Variants in RPGRIP1L observed in about 807,000 individuals in gnomAD.
RPGRIP1L encodes the protein RPGRIP1 like.
Under a neutral mutation model 160.4 loss-of-function variants are expected in RPGRIP1L, and 131 were observed. That is an observed-to-expected ratio of 0.82 (90% CI 0.71 to 0.94). RPGRIP1L has a LOEUF of 0.94. Ranked by LOEUF, RPGRIP1L falls within the 40% of genes least tolerant of loss-of-function variation. RPGRIP1L has a pLI of 0.00. For missense variants in RPGRIP1L, 1,522 were observed against 1,535.8 expected, an observed-to-expected ratio of 0.99 and a Z score of 0.15; for synonymous variants, 510 against 515.8, an observed-to-expected ratio of 0.99 and a Z score of 0.15.
intron 19 of RPGRIP1L, 99 bp downstream of exon 19, chr16:53,640,934 C>A (rs1054133395): frequency 3.6e-6 from 3 of 842,320 alleles, no homozygotes; most frequent in African/African-American, 3.4e-5. Context: ...ACTTTATTCA[C>A]CTGTTTCCAT....
Position 53,619,029 on chromosome 16 carries a change from G to A in RPGRIP1L, c.3612C>T (p.Ser1204=). Reference sequence around the variant, plus strand: ...TTACAAATGAATCATACATACCATTGCTATAGTTATAGTAGACCCACTGCC... The same window carrying A: ...TTACAAATGAATCATACATACCATTACTATAGTTATAGTAGACCCACTGCC... ...KSGQWVYYNY[S]NVIYVDKENN... The change falls in exon 24 of 27, where the codon AGC becomes AGT. Residue 1204 remains serine, a synonymous_variant. Coordinates refer to ENST00000647211, the MANE Select transcript of RPGRIP1L (RefSeq NM_015272.5). 1.2e-6 allele frequency: 2 copies of A among 1,610,052 alleles called. No homozygotes were observed. Among genetic ancestry groups the A allele is most frequent in the Non-Finnish European group, 8.5e-7 (1 of 1,176,326 alleles).
Position 53,696,264 on chromosome 16 carries a change from G to C in RPGRIP1L, c.117C>G (p.Arg39=), listed in dbSNP as rs763892496. The C allele has an allele frequency of 6.2e-7, 1 of 1,614,006 alleles. No homozygotes were observed. Among genetic ancestry groups the C allele is most frequent in the East Asian group, 2.2e-5 (1 of 44,846 alleles). Residue 39 remains arginine, a synonymous_variant, in exon 3 of 27, where the codon CGC becomes CGG. Coordinates refer to ENST00000647211, the MANE Select transcript of RPGRIP1L (RefSeq NM_015272.5). ...CACGACTGACACGTGACACTGCCTG[G>C]CGAGACTTCATTGTCCGTGTTGTTG... ...ETSTTRTMKS[R]QAVSRVSREE...
chr16:53,653,696 C>T (rs765730634), intron 14 of RPGRIP1L, among the ~76,000 whole-genome samples: 33 of 152,178 alleles, frequency 2.2e-4, no homozygotes, highest in Admixed American at 5.2e-4. Flanking sequence ...TCCTATCCTT[C>T]TTCTCATTCT....
chr16:53,658,910 T>A (rs1176094400), intron 10 of RPGRIP1L, 32 bp from the exon 11 acceptor site: 1 of 1,372,192 alleles, frequency 7.3e-7, no homozygotes, highest in Admixed American at 1.9e-5. Context: ...ATTGGAAAGG[T>A]AAGTAAAAAT....
chr16:53,684,807 A>C (rs957368853), intron 6 of RPGRIP1L, among the ~76,000 whole-genome samples: 36 of 152,094 alleles, frequency 2.4e-4, no homozygotes, highest in Admixed American at 2.1e-3. Flanking sequence ...GCATGGGCAA[A>C]GTTTTCACAA....
chr16:53,692,435 A>C, intron 3 of RPGRIP1L, 71 bp from the exon 4 acceptor site: 12 of 1,422,490 alleles, frequency 8.4e-6, no homozygotes, highest in Admixed American at 3.3e-5. Flanking sequence ...TGAAAGGAAC[A>C]TAATCACTGT....
intron 22 of RPGRIP1L, 135 bp from the exon 23 acceptor site, chr16:53,622,491 C>T: frequency 2.2e-6 from 1 of 451,448 alleles, no homozygotes; most frequent in Non-Finnish European, 3.9e-6. Context: ...TGTGTTATTT[C>T]CTATCTCAGC....
In RPGRIP1L at chr16:53,599,932, T is replaced by C. The variant is rs926710608; in HGVS notation, c.*2144A>G. 4 of 152,214 alleles carry C rather than the reference T, an allele frequency of 2.6e-5. No homozygotes were observed. The highest frequency in any genetic ancestry group is 4.4e-5 in the Non-Finnish European group (3 of 68,042). The allele number at this position is 152,214 out of a possible 1,614,324, so 9.4% of individuals were successfully genotyped here. ...ATTTTAAAACTAGATATCTTTAATA[T>C]GACAGTAAACAATGTGACAGAAACA... is the stretch of plus-strand genomic sequence containing the variant. On this transcript the variant is annotated 3_prime_UTR_variant, in exon 27 of 27. Coordinates refer to ENST00000647211, the MANE Select transcript of RPGRIP1L (RefSeq NM_015272.5).
intron 17 of RPGRIP1L, among the ~76,000 whole-genome samples, chr16:53,644,616 C>T (rs1359136803): frequency 1.3e-5 from 2 of 152,148 alleles, no homozygotes; most frequent in Non-Finnish European, 2.9e-5. Context: ...ATAAAATTAA[C>T]AACTGATTTC....
rs2151128525 is a variant in RPGRIP1L, at chr16:53,652,970, C to T, written c.1717G>A (p.Ala573Thr). 3.1e-6 allele frequency: 5 copies of T among 1,612,920 alleles called. No individual in the cohort carries two copies. The East Asian group carries it at 6.7e-5, about 22-fold the overall frequency. Reference protein sequence around the residue: ...HKLEAQLKDIAYGTKQYKFKP... With the variant: ...HKLEAQLKDITYGTKQYKFKP... ...AATTTGTACTGCTTGGTGCCATAGG[C>T]AATATCCTTTAATTGGGCTGCAAGA... Residue 573 changes from alanine to threonine, a missense_variant, in exon 15 of 27, where the codon GCC becomes ACC. Coordinates refer to ENST00000647211, the MANE Select transcript of RPGRIP1L (RefSeq NM_015272.5).
chr16:53,699,112 A>G (rs1468350593), intron 2 of RPGRIP1L, among the ~76,000 whole-genome samples: 1 of 152,102 alleles, frequency 6.6e-6, no homozygotes, highest in Non-Finnish European at 1.5e-5. Context: ...GCTCTCTGAA[A>G]CATGTGCTGT....
chr16:53,645,716 A>G lies in RPGRIP1L; in HGVS notation c.2592T>C (p.Tyr864=), dbSNP rs1467557937. 1 of 1,614,192 alleles carries G rather than the reference A, an allele frequency of 6.2e-7. No homozygotes were observed. Among genetic ancestry groups the G allele is most frequent in the Non-Finnish European group, 8.5e-7 (1 of 1,180,010 alleles). Reference sequence around the variant, plus strand: ...CCTGGGTATCACTATCATCAAAAACATAAAAACTCAGAGACTCTGACTTAA... The same window carrying G: ...CCTGGGTATCACTATCATCAAAAACGTAAAAACTCAGAGACTCTGACTTAA... ...RYLKSESLSF[Y]VFDDSDTQEN... Residue 864 remains tyrosine (Y), a synonymous_variant, in exon 17 of 27, where the codon TAT becomes TAC. Transcript: ENST00000647211.
chr16:53,643,571 G>A (rs911700142), intron 17 of RPGRIP1L, among the ~76,000 whole-genome samples: 4 of 152,132 alleles, frequency 2.6e-5, no homozygotes. Context: ...AAACCTACTG[G>A]CTCAAGGTGT....
At position 53,599,257 on chromosome 16, in the gene RPGRIP1L, T is replaced by C. The variant is rs1963284293; in HGVS notation, c.*2819A>G. 6.6e-6 allele frequency: 1 copy of C among 152,216 alleles called. No homozygotes were observed. The highest frequency in any genetic ancestry group is 2.4e-5 in the African/African-American group (1 of 41,450). 9.4% of individuals were successfully genotyped at this position (152,216 alleles called of 1,614,324 possible). A position where few individuals can be genotyped will look rare whatever the true frequency, so the allele number is the denominator to read the frequency against. On this transcript the variant is annotated 3_prime_UTR_variant, in exon 27 of 27. Coordinates refer to ENST00000647211, the MANE Select transcript of RPGRIP1L (RefSeq NM_015272.5). ...GAATTTCAGTGTGGCCTTTCTTTAT[T>C]TGATTAAACATATTCTTTATGTATT...
chr16:53,701,615 G>T (rs1484547994), intron 1 of RPGRIP1L: 1 of 151,536 alleles, frequency 6.6e-6, no homozygotes, highest in Non-Finnish European at 1.5e-5. Context: ...AAAGGGCAGA[G>T]TTCTTAAGCT....
intron 22 of RPGRIP1L, among the ~76,000 whole-genome samples, chr16:53,624,264 T>G (rs1964925579): frequency 6.6e-6 from 1 of 152,144 alleles, no homozygotes; most frequent in Non-Finnish European, 1.5e-5. Context: ...TAAAAAATAT[T>G]TATTATGGCT....
At chr16:53,687,017 T>A (rs1455475121) in intron 5 of RPGRIP1L, among the ~76,000 whole-genome samples, 1 of 152,174 alleles carries the variant, frequency 6.6e-6, no homozygotes, top group Non-Finnish European at 1.5e-5. Context: ...ATCTCTATCA[T>A]GTCTGGCAGC....
At position 53,671,541 on chromosome 16, in the gene RPGRIP1L, A is replaced by G. The variant is rs147295026; in HGVS notation, c.1072T>C (p.Leu358=). 2,137 of 1,579,218 alleles carry G rather than the reference A, an allele frequency of 1.4e-3. No individual in the cohort carries two copies. Among genetic ancestry groups the G allele is most frequent in the Non-Finnish European group, 1.7e-3 (2,000 of 1,150,038 alleles). ...INDLEKEREL[L]KENYDKLYDS... Reference sequence around the variant, plus strand: ...TAAAGTTTATCATAGTTTTCCTTTAAAAGTTCCCGTTCCTTTTCTAAATCA... The same window carrying G: ...TAAAGTTTATCATAGTTTTCCTTTAGAAGTTCCCGTTCCTTTTCTAAATCA... The change falls in exon 9 of 27, where the codon TTA becomes CTA. Residue 358 remains leucine, a synonymous_variant. Coordinates refer to ENST00000647211, the MANE Select transcript of RPGRIP1L (RefSeq NM_015272.5).
chr16:53,637,656 G>GTTTTATC, intron 21 of RPGRIP1L, 39 bp downstream of exon 21: 1 of 1,576,926 alleles, frequency 6.3e-7, no homozygotes, highest in African/African-American at 1.3e-5. Flanking sequence ...ACAAAGCACA[G>GTTTTATC]GGTTAACTAA....
Sources: allele counts gnomAD v4.1 joint callset (sites outside exome capture counted in the v4.1 genomes callset), GRCh38; gene constraint gnomAD v4.1.1; transcripts MANE v1.5; gene names NCBI Gene and HGNC (gene_info 2026-07-23, HGNC 2026-07-21).